The following PTPN1 variants were observed in gnomAD, a reference collection of about 807,000 sequenced individuals.
PTPN1 encodes protein tyrosine phosphatase non-receptor type 1.
In PTPN1, 12 loss-of-function variants were observed where a neutral mutation model predicts 59.9. The ratio of observed to expected loss-of-function variants is 0.20; its 90% CI spans 0.13 to 0.32. The LOEUF (loss-of-function observed/expected upper bound fraction) is 0.32, where lower values mean the gene tolerates loss of function less well. Ranked by LOEUF, PTPN1 falls within the 10% of genes least tolerant of loss-of-function variation. The pLI, the probability that PTPN1 is intolerant of heterozygous loss-of-function variation, is 1.00. For synonymous variants in PTPN1, 178 were observed against 203.6 expected (o/e 0.87, Z 1.07); for missense variants, 356 against 549.2 (o/e 0.65, Z 3.52).
chr20:50,579,229 A>C lies in PTPN1; in HGVS notation c.764A>C (p.Lys255Thr). ...AAGAAAGTGCTGTTAGAAATGAGGAAGTTTCGGATGGGGCTGATCCAGACA... is the reference window on the plus strand; with the variant it reads ...AAGAAAGTGCTGTTAGAAATGAGGACGTTTCGGATGGGGCTGATCCAGACA... ...DIKKVLLEMRKFRMGLIQTAD... is the reference protein window; with the variant it reads ...DIKKVLLEMRTFRMGLIQTAD... Residue 255 changes from lysine (K) to threonine (T), a missense_variant, in exon 7 of 10, where the codon AAG becomes ACG. This residue lies in a region of PTPN1 where 194 missense variants were observed against 344.2 expected (regional missense o/e 0.56). Coordinates refer to ENST00000371621, the MANE Select transcript of PTPN1 (RefSeq NM_002827.4). The C allele has an allele frequency of 6.2e-7, 1 of 1,614,234 alleles. No individual in the cohort carries two copies. Among genetic ancestry groups the C allele is most frequent in the Non-Finnish European group, 8.5e-7 (1 of 1,180,026 alleles).
At chr20:50,577,207 A>G (rs1203855232) in intron 5 of PTPN1, among the ~76,000 whole-genome samples, 1 of 152,240 alleles carries the variant, frequency 6.6e-6, no homozygotes, top group African/African-American at 2.4e-5. Flanking sequence ...CCTAGTAACT[A>G]TGCCATGAGC....
At chr20:50,536,795 T>G (rs2082625727) in intron 1 of PTPN1, among the ~76,000 whole-genome samples, 1 of 152,204 alleles carries the variant, frequency 6.6e-6, no homozygotes, top group South Asian at 2.1e-4. Flanking sequence ...TATAAAATAT[T>G]TTTTACATGT....
intron 3 of PTPN1, among the ~76,000 whole-genome samples, chr20:50,566,964 A>G (rs561707862): frequency 6.6e-6 from 1 of 152,260 alleles, no homozygotes; most frequent in South Asian, 2.1e-4. Flanking sequence ...TGGGGAGGGA[A>G]GAGTTAAATG....
rs765337809 is a variant in PTPN1 at position 50,568,487 on chromosome 20, C to T, written c.354+9C>T. 2.2e-5 allele frequency: 36 copies of T among 1,608,490 alleles called. No individual in the cohort carries two copies. The highest frequency in any genetic ancestry group is 5.0e-5 in the Admixed American group (3 of 59,992). ...TGATGGAGAAAGGTTCGGTAAGTCT[C>T]GGCTTCATTTGCTGTGTATGTGATC... On this transcript the variant is annotated intron_variant, in intron 4 of 9. Transcript: ENST00000371621. The surrounding 1 kb of genome is among the most constrained non-coding windows in gnomAD (Gnocchi z 5.6).
At chr20:50,579,654 A>G in intron 7 of PTPN1, 49 bp from the exon 8 acceptor site, 1 of 1,538,670 alleles carries the variant, frequency 6.5e-7, no homozygotes, top group Non-Finnish European at 9.0e-7. Context: ...TTCCTGACAA[A>G]CCAGCCGAAG....
At chr20:50,570,972 A>G (rs1030483811) in intron 4 of PTPN1, 1 of 152,270 alleles carries the variant, frequency 6.6e-6, no homozygotes, top group Non-Finnish European at 1.5e-5. Flanking sequence ...TACCAGATAT[A>G]GTAGCATTTG....
chr20:50,513,834 AG>A (rs2082517438), intron 1 of PTPN1, among the ~76,000 whole-genome samples: 1 of 152,168 alleles, frequency 6.6e-6, no homozygotes, highest in African/African-American at 2.4e-5. Context: ...TTTTCTTCAG[AG>A]GAAAAAAAAC....
At chr20:50,567,826 G>A (rs2082786159) in intron 3 of PTPN1, among the ~76,000 whole-genome samples, 1 of 152,238 alleles carries the variant, frequency 6.6e-6, no homozygotes, top group African/African-American at 2.4e-5. Context: ...GGATGTTGCT[G>A]TATTCTAGGG....
In PTPN1 at chr20:50,576,712, CA is replaced by C. The variant is rs760227658; in HGVS notation, c.493-1694del. The stretch of plus-strand genomic sequence containing the variant: ...TGAAACCCCATCTCTACTAAAAATA[CA>C]AAAAAAAAAAAAATTAGCCGGGCGT... On this transcript the variant is annotated intron_variant, in intron 5 of 9. Transcript: ENST00000371621. 8.2e-3 allele frequency among the ~76,000 whole-genome samples: 1,106 copies of C among 134,330 alleles called. 2 individuals are homozygous for C. Among genetic ancestry groups the C allele is most frequent in the Non-Finnish European group, 0.011 (657 of 61,732 alleles). The allele number at this position is 134,330 out of a possible 152,430, so 88.1% of individuals were successfully genotyped here. A position where few individuals can be genotyped will look rare whatever the true frequency, so the allele number is the denominator to read the frequency against.
At chr20:50,512,041 G>A (rs2082509978) in intron 1 of PTPN1, among the ~76,000 whole-genome samples, 1 of 151,894 alleles carries the variant, frequency 6.6e-6, no homozygotes, top group African/African-American at 2.4e-5. Context: ...CTTTTTATTT[G>A]GACTGTAGTG....
At chr20:50,566,476 A>T (rs1345462721) in intron 3 of PTPN1, among the ~76,000 whole-genome samples, 1 of 152,116 alleles carries the variant, frequency 6.6e-6, no homozygotes, top group East Asian at 1.9e-4. Context: ...GGGGATGTTG[A>T]GAAACTGTTT....
chr20:50,578,783 C>G (rs1405745162), intron 6 of PTPN1, among the ~76,000 whole-genome samples, 154 bp downstream of exon 6: 3 of 152,210 alleles, frequency 2.0e-5, no homozygotes, highest in Non-Finnish European at 4.4e-5. Context: ...GTACCTGAGA[C>G]TCGGTAATTT....
chr20:50,564,572 T>C (rs1446606084), intron 2 of PTPN1, among the ~76,000 whole-genome samples: 1 of 151,968 alleles, frequency 6.6e-6, no homozygotes, highest in African/African-American at 2.4e-5. Flanking sequence ...CCAGCCTGGG[T>C]GACAGAGTGA....
rs117352912 is a variant in PTPN1, at chr20:50,581,637, G to T, written c.1284+177G>T. ...GCTAACAAGAGAATTAAGGATCGATGCACTGGGGTTTTAAGGAGCCCTCTG... is the reference window on the plus strand; with the variant it reads ...GCTAACAAGAGAATTAAGGATCGATTCACTGGGGTTTTAAGGAGCCCTCTG... On this transcript the variant is annotated intron_variant, in intron 9 of 9. Coordinates refer to ENST00000371621, the MANE Select transcript of PTPN1 (RefSeq NM_002827.4). 9.1e-3 allele frequency among the ~76,000 whole-genome samples: 1,384 copies of T among 152,306 alleles called. 10 individuals carry two copies. Among genetic ancestry groups the T allele is most frequent in the South Asian group, 0.02 (97 of 4,820 alleles).
Position 50,558,498 on chromosome 20 carries a change from A to G in PTPN1, c.64-2865A>G, listed in dbSNP as rs974895961. 2.0e-5 allele frequency among the ~76,000 whole-genome samples: 3 copies of G among 152,314 alleles called. No individual in the cohort carries two copies. The South Asian group carries it at 6.2e-4, about 32-fold the overall frequency. On this transcript the variant is annotated intron_variant, in intron 1 of 9. Coordinates refer to ENST00000371621, the MANE Select transcript of PTPN1 (RefSeq NM_002827.4). ...CAGAACATCTCTTTTTAGACTGGCCACATGTAGCTCAGGGTTACTGTATTG... is the reference window on the plus strand; with the variant it reads ...CAGAACATCTCTTTTTAGACTGGCCGCATGTAGCTCAGGGTTACTGTATTG...
chr20:50,558,739 A>G (rs1305831734), intron 1 of PTPN1, among the ~76,000 whole-genome samples: 1 of 152,060 alleles, frequency 6.6e-6, no homozygotes, highest in Admixed American at 6.5e-5. Flanking sequence ...TTGGTATGGC[A>G]TGGTTGGGAT....
intron 1 of PTPN1, among the ~76,000 whole-genome samples, chr20:50,556,123 A>T (rs2082724831): frequency 2.0e-5 from 3 of 151,446 alleles, no homozygotes; most frequent in Admixed American, 6.6e-5. Flanking sequence ...TATTGGATTA[A>T]TTTATTTACT....
At chr20:50,511,362 G>C (rs1228674739) in intron 1 of PTPN1, among the ~76,000 whole-genome samples, 1 of 152,200 alleles carries the variant, frequency 6.6e-6, no homozygotes, top group African/African-American at 2.4e-5. Context: ...GCCTGTCAAA[G>C]GAGGAGACAT....
At chr20:50,563,751 C>T (rs1386953699) in intron 2 of PTPN1, among the ~76,000 whole-genome samples, 1 of 152,074 alleles carries the variant, frequency 6.6e-6, no homozygotes, top group Non-Finnish European at 1.5e-5. Flanking sequence ...AGGTGATCAC[C>T]TGAGTTTATT....
Sources: gnomAD v4.1 joint callset for allele counts (sites outside exome capture counted in the v4.1 genomes callset) on GRCh38, gnomAD v4.1.1 for gene constraint, gnomAD v4.1.1 regional missense constraint, Gnocchi (gnomAD v3.1) non-coding constraint, MANE v1.5 for transcripts, NCBI Gene and HGNC (gene_info 2026-07-23, HGNC 2026-07-21) for gene names.